Variants in STXBP5L observed in about 807,000 individuals in gnomAD.
STXBP5L encodes syntaxin-binding protein 5-like.
Under a neutral mutation model 144.5 loss-of-function variants are expected in STXBP5L, and 65 were observed. That is an observed-to-expected ratio of 0.45 (90% confidence interval 0.37 to 0.55). The LOEUF (loss-of-function observed/expected upper bound fraction) is 0.55, where lower values mean the gene tolerates loss of function less well. STXBP5L is among the 20% of genes least tolerant of loss of function. STXBP5L has a pLI of 0.00. For synonymous variants in STXBP5L, 505 were observed against 469.6 expected, an observed-to-expected ratio of 1.08 and a Z score of -0.97; for missense variants, 1,298 against 1,405.5, an observed-to-expected ratio of 0.92 and a Z score of 1.22.
rs952363928 is a variant in STXBP5L, at chr3:121,099,412, G to A, written c.471-15513G>A. On this transcript the variant is annotated intron_variant, in intron 5 of 26. Coordinates refer to ENST00000471454, the MANE Select transcript of STXBP5L (RefSeq NM_001308330.2). ...GTTACAATAAAAAGAGTTGAAGACA[G>A]TTCAGAGTGGAGTTCTTCAAGAAGC... 26 of 152,320 alleles carry A rather than the reference G, an allele frequency of 1.7e-4. No homozygotes were observed. In the East Asian group the frequency reaches 2.7e-3, roughly 16 times the overall value. The allele number at this position is 152,320 out of a possible 1,614,324, so 9.4% of individuals were successfully genotyped here.
intron 5 of STXBP5L, among the ~76,000 whole-genome samples, chr3:121,051,539 G>A (rs1029291004): frequency 2.0e-5 from 3 of 152,166 alleles, no homozygotes; most frequent in Admixed American, 6.5e-5. Flanking sequence ...TGAAACCAAC[G>A]AAAACAAAGA....
At chr3:121,207,940 C>A (rs530563768) in intron 10 of STXBP5L, among the ~76,000 whole-genome samples, 2 of 152,124 alleles carry the variant, frequency 1.3e-5, no homozygotes, top group African/African-American at 4.8e-5. Flanking sequence ...CCTCAGGGAT[C>A]TAGTACTAGA....
intron 19 of STXBP5L, among the ~76,000 whole-genome samples, chr3:121,309,543 G>A (rs1390999905): frequency 1.3e-5 from 2 of 151,978 alleles, no homozygotes; most frequent in African/African-American, 4.8e-5. Flanking sequence ...ATAATTGTTG[G>A]AAATTTCAAA....
chr3:121,398,846 G>T (rs1472966340), intron 22 of STXBP5L, among the ~76,000 whole-genome samples: 1 of 152,098 alleles, frequency 6.6e-6, no homozygotes, highest in Non-Finnish European at 1.5e-5. Flanking sequence ...TGATCTGGGG[G>T]CTGTATTCTA....
At chr3:121,177,580 T>C (rs1293550801) in intron 9 of STXBP5L, among the ~76,000 whole-genome samples, 1 of 152,102 alleles carries the variant, frequency 6.6e-6, no homozygotes, top group Non-Finnish European at 1.5e-5. Context: ...TCACATCCAT[T>C]AGGATGATTA....
chr3:121,150,921 C>T (rs2045909535), intron 7 of STXBP5L, among the ~76,000 whole-genome samples: 1 of 151,962 alleles, frequency 6.6e-6, no homozygotes. Context: ...AACCCCATCT[C>T]TACTAAAAAT....
chr3:121,064,065 G>T (rs2041421644), intron 5 of STXBP5L, among the ~76,000 whole-genome samples: 1 of 152,168 alleles, frequency 6.6e-6, no homozygotes. Flanking sequence ...CTAGCTCGGT[G>T]TCTGCTCAAA....
intron 2 of STXBP5L, among the ~76,000 whole-genome samples, chr3:120,925,929 A>C (rs900053780): frequency 5.3e-5 from 8 of 152,262 alleles, no homozygotes; most frequent in African/African-American, 1.9e-4. Flanking sequence ...CAAATGAAGA[A>C]GAGTGGGAAA....
chr3:121,323,721 A>T (rs1238101711), intron 20 of STXBP5L, among the ~76,000 whole-genome samples: 1 of 150,664 alleles, frequency 6.6e-6, no homozygotes, highest in Non-Finnish European at 1.5e-5. Context: ...TAATTATATA[A>T]ATTGTTCATA....
At chr3:121,296,320 G>A (rs918858858) in intron 19 of STXBP5L, among the ~76,000 whole-genome samples, 2 of 152,070 alleles carry the variant, frequency 1.3e-5, no homozygotes, top group African/African-American at 4.8e-5. Flanking sequence ...TGTCAGTAAT[G>A]GATTAACCAA....
intron 19 of STXBP5L, among the ~76,000 whole-genome samples, chr3:121,282,113 A>G (rs543259490): frequency 3.0e-4 from 46 of 151,078 alleles, no homozygotes; most frequent in African/African-American, 1.1e-3. Flanking sequence ...TATTTTATTA[A>G]TATCTCCTTC....
At chr3:121,161,808 A>C (rs2046330887) in intron 9 of STXBP5L, among the ~76,000 whole-genome samples, 1 of 152,178 alleles carries the variant, frequency 6.6e-6, no homozygotes, top group Admixed American at 6.5e-5. Context: ...ACCAAATCCT[A>C]TCAAATACTT....
At chr3:121,224,657 C>T (rs1427777159) in intron 11 of STXBP5L, among the ~76,000 whole-genome samples, 1 of 151,996 alleles carries the variant, frequency 6.6e-6, no homozygotes, top group Non-Finnish European at 1.5e-5. Flanking sequence ...TGGTTTCATG[C>T]ATAGTAATAG....
intron 3 of STXBP5L, among the ~76,000 whole-genome samples, chr3:120,967,146 C>T (rs1183561185): frequency 1.3e-5 from 2 of 152,048 alleles, no homozygotes; most frequent in Non-Finnish European, 2.9e-5. Context: ...GTTTTTAAGA[C>T]CTTGGGAAAA....
At chr3:121,095,752 A>T (rs947158853) in intron 5 of STXBP5L, among the ~76,000 whole-genome samples, 6 of 150,618 alleles carry the variant, frequency 4.0e-5, no homozygotes. Flanking sequence ...TAGCTCGGAG[A>T]AGTTTGATCG....
chr3:121,222,938 C>A, intron 10 of STXBP5L, 65 bp from the exon 11 acceptor site: 1 of 1,512,622 alleles, frequency 6.6e-7, no homozygotes, highest in South Asian at 1.3e-5. Context: ...TTTATAGGTT[C>A]AGTCCTGTGA....
intron 19 of STXBP5L, among the ~76,000 whole-genome samples, chr3:121,314,883 A>G (rs2043725594): frequency 6.6e-6 from 1 of 152,224 alleles, no homozygotes; most frequent in African/African-American, 2.4e-5. Flanking sequence ...CACATGAAAA[A>G]ATGCTCATCA....
intron 5 of STXBP5L, among the ~76,000 whole-genome samples, chr3:121,069,255 T>A (rs1202705730): frequency 6.6e-6 from 1 of 152,214 alleles, no homozygotes; most frequent in Non-Finnish European, 1.5e-5. Flanking sequence ...TCATACAATG[T>A]GTAACTTTTT....
chr3:121,385,662 T>G (rs1307372301), intron 22 of STXBP5L, among the ~76,000 whole-genome samples: 1 of 152,140 alleles, frequency 6.6e-6, no homozygotes, highest in Non-Finnish European at 1.5e-5. Context: ...TAACTTCAAT[T>G]TTTTTCTTCT....
Sources: gnomAD v4.1 joint callset for allele counts (sites outside exome capture counted in the v4.1 genomes callset) on GRCh38, gnomAD v4.1.1 for gene constraint, MANE v1.5 for transcripts, NCBI Gene and HGNC (gene_info 2026-07-23, HGNC 2026-07-21) for gene names.